HSD17B4: variants seen among roughly 807,000 people sequenced by gnomAD.
The protein encoded by HSD17B4 is peroxisomal multifunctional enzyme type 2.
A neutral mutation model predicts 101.0 loss-of-function variants in HSD17B4; 70 were observed. That is an observed-to-expected ratio of 0.69 (90% CI 0.57 to 0.85). HSD17B4 has a LOEUF of 0.85. Among genes scored for constraint, HSD17B4 ranks in the 40% least tolerant of loss-of-function variants. HSD17B4 has a pLI of 0.00. For missense variants in HSD17B4, 984 were observed against 892.4 expected, an observed-to-expected ratio of 1.10 and a Z score of -1.31; for synonymous variants, 347 against 297.1, an observed-to-expected ratio of 1.17 and a Z score of -1.73.
intron 2 of HSD17B4, among the ~76,000 whole-genome samples, chr5:119,468,368 A>T (rs189163339): frequency 7.7e-4 from 116 of 150,062 alleles, no homozygotes; most frequent in Middle Eastern, 3.5e-3. Context: ...TTTCTGAAGG[A>T]TAGCTTGCTG....
rs114640173 is a variant in HSD17B4, at chr5:119,523,680, A to G, written c.1504-1536A>G. 9.3e-3 allele frequency among the ~76,000 whole-genome samples: 1,415 copies of G among 152,306 alleles called. 19 individuals are homozygous for G. Among genetic ancestry groups the G allele is most frequent in the African/African-American group, 0.032 (1,310 of 41,566 alleles). On this transcript the variant is annotated intron_variant, in intron 17 of 23. Coordinates refer to ENST00000510025, the MANE Select transcript of HSD17B4 (RefSeq NM_000414.4). The stretch of plus-strand genomic sequence containing the variant: ...GGAATGATATATGTGGGATAAGAAT[A>G]CTAGTACTAATCTTAGAAACTTGGT...
At chr5:119,530,339 A>C (rs1045103649) in intron 21 of HSD17B4, among the ~76,000 whole-genome samples, 3 of 152,250 alleles carry the variant, frequency 2.0e-5, no homozygotes, top group Admixed American at 2.0e-4. Context: ...AGGTTTATAT[A>C]AAGTTTTGTA....
intron 2 of HSD17B4, among the ~76,000 whole-genome samples, chr5:119,457,743 A>G (rs1326809662): frequency 6.6e-6 from 1 of 152,174 alleles, no homozygotes; most frequent in African/African-American, 2.4e-5. Context: ...TTTCTGCTCA[A>G]TTCCATAACG....
At chr5:119,490,683 C>G (rs1750020866) in intron 9 of HSD17B4, among the ~76,000 whole-genome samples, 1 of 152,118 alleles carries the variant, frequency 6.6e-6, no homozygotes, top group Non-Finnish European at 1.5e-5. Context: ...ATTCTCCTGC[C>G]TTAGCCTCCT....
At chr5:119,503,523 A>G (rs1011245735) in intron 14 of HSD17B4, among the ~76,000 whole-genome samples, 33 of 152,210 alleles carry the variant, frequency 2.2e-4, no homozygotes, top group Non-Finnish European at 2.9e-5. Flanking sequence ...TAAACTGCAG[A>G]AAACCAAGGT....
At chr5:119,523,547 T>C (rs928000237) in intron 17 of HSD17B4, among the ~76,000 whole-genome samples, 2 of 152,090 alleles carry the variant, frequency 1.3e-5, no homozygotes, top group African/African-American at 4.8e-5. Context: ...AATGAACCTT[T>C]TTTGTCTTCG....
intron 3 of HSD17B4, among the ~76,000 whole-genome samples, 189 bp from the exon 4 acceptor site, chr5:119,474,212 C>T (rs1398534415): frequency 6.6e-6 from 1 of 152,084 alleles, no homozygotes; most frequent in African/African-American, 2.4e-5. Flanking sequence ...TGATTCTAAG[C>T]TTTGTTCTAT....
intron 17 of HSD17B4, among the ~76,000 whole-genome samples, chr5:119,519,157 C>T (rs903466092): frequency 6.6e-6 from 1 of 152,038 alleles, no homozygotes; most frequent in African/African-American, 2.4e-5. Flanking sequence ...CAAAACAAAA[C>T]AAACGAGTAT....
rs1332503476 is a variant in HSD17B4, at chr5:119,456,310, A to G, written c.59-5A>G. ...CAACTTTCTGATTATTTTGTTTTTG[A>G]TTAGGATTGGGCCGAGCCTATGCCC... On this transcript the variant is annotated splice_region_variant and splice_polypyrimidine_tract_variant and intron_variant, in intron 1 of 23. Transcript: ENST00000510025. 1.9e-6 allele frequency: 3 copies of G among 1,605,924 alleles called. No individual in the cohort carries two copies. The African/African-American group carries it at 4.0e-5, about 21-fold the overall frequency.
chr5:119,456,580 A>G, intron 2 of HSD17B4: 1 of 561,144 alleles, frequency 1.8e-6, no homozygotes, highest in South Asian at 2.0e-5. Flanking sequence ...GCTTAACAGA[A>G]TTGATAACGA....
At chr5:119,460,500 G>C (rs1283634465) in intron 2 of HSD17B4, among the ~76,000 whole-genome samples, 8 of 152,162 alleles carry the variant, frequency 5.3e-5, no homozygotes, top group Admixed American at 5.2e-4. Flanking sequence ...ATTTAGAGTA[G>C]CTCTTAGCTA....
chr5:119,499,162 C>G (rs1442401816), intron 12 of HSD17B4, among the ~76,000 whole-genome samples, 155 bp from the exon 13 acceptor site: 1 of 152,084 alleles, frequency 6.6e-6, no homozygotes, highest in Non-Finnish European at 1.5e-5. Context: ...TAATTAGTTT[C>G]TATTAAAAAA....
chr5:119,471,522 T>C, intron 2 of HSD17B4: 1 of 431,720 alleles, frequency 2.3e-6, no homozygotes, highest in Non-Finnish European at 4.0e-6. Context: ...AAAAGAGCAG[T>C]TTTTCAGAAG....
intron 1 of HSD17B4, chr5:119,452,838 C>T: frequency 1.3e-6 from 2 of 1,535,784 alleles, no homozygotes; most frequent in African/African-American, 1.4e-5. Context: ...CCCGCTTCTC[C>T]CCAGCACCCC....
intron 17 of HSD17B4, among the ~76,000 whole-genome samples, chr5:119,518,557 T>TG (rs1469068082): frequency 6.6e-6 from 1 of 152,076 alleles, no homozygotes; most frequent in Admixed American, 6.5e-5. Context: ...GAAGTAATGA[T>TG]GGAGTGTAAG....
At chr5:119,491,940 C>T (rs570808583) in intron 9 of HSD17B4, among the ~76,000 whole-genome samples, 160 bp from the exon 10 acceptor site, 2 of 152,160 alleles carry the variant, frequency 1.3e-5, no homozygotes, top group Non-Finnish European at 2.9e-5. Flanking sequence ...AGTGCAAAGT[C>T]ATGGGGGCCA....
Position 119,536,999 on chromosome 5 carries a change from T to A in HSD17B4, c.2121+449T>A, listed in dbSNP as rs139819977. Among the ~76,000 whole-genome samples the A allele has an allele frequency of 3.7e-3, 559 of 152,280 alleles. 3 individuals carry two copies. The highest frequency in any genetic ancestry group is 0.013 in the African/African-American group (542 of 41,564). On this transcript the variant is annotated intron_variant, in intron 23 of 23. Coordinates refer to ENST00000510025, the MANE Select transcript of HSD17B4 (RefSeq NM_000414.4). Reference sequence around the variant, plus strand: ...CCTTCTGTGACGATTATTTAGTTAATATTATTATGAAACTTTTGACCAATC... The same window carrying A: ...CCTTCTGTGACGATTATTTAGTTAAAATTATTATGAAACTTTTGACCAATC...
intron 16 of HSD17B4, among the ~76,000 whole-genome samples, chr5:119,514,264 G>A (rs947356467): frequency 6.6e-6 from 1 of 152,130 alleles, no homozygotes; most frequent in African/African-American, 2.4e-5. Flanking sequence ...ATATATCTAA[G>A]TGTGGCATTT....
Position 119,473,893 on chromosome 5 carries a change from G to T in HSD17B4, c.113-15G>T. 1 of 1,420,478 alleles carries T rather than the reference G, an allele frequency of 7.0e-7. No homozygotes were observed. Among genetic ancestry groups the T allele is most frequent in the Non-Finnish European group, 1.0e-6 (1 of 1,003,600 alleles). 88.0% of individuals were successfully genotyped at this position (1,420,478 alleles called of 1,614,324 possible). A position where few individuals can be genotyped will look rare whatever the true frequency, so the allele number is the denominator to read the frequency against. The stretch of plus-strand genomic sequence containing the variant: ...TAGAATAATTAATTGTTGTTTGCTT[G>T]TTTTTGCATTACAGTGAATGATTTG... On this transcript the variant is annotated splice_polypyrimidine_tract_variant and intron_variant, in intron 2 of 23. Transcript: ENST00000510025.
Sources: gnomAD v4.1 joint callset for allele counts (sites outside exome capture counted in the v4.1 genomes callset) on GRCh38, gnomAD v4.1.1 for gene constraint, MANE v1.5 for transcripts, NCBI Gene and HGNC (gene_info 2026-07-23, HGNC 2026-07-21) for gene names.